Variants in RBM11 observed in about 807,000 individuals in gnomAD.
The protein encoded by RBM11 is splicing regulator RBM11.
Under a neutral mutation model 21.4 loss-of-function variants are expected in RBM11, and 18 were observed. The ratio of observed to expected loss-of-function variants is 0.84; its 90% CI spans 0.58 to 1.25. RBM11 has a LOEUF of 1.25. Among genes scored for constraint, RBM11 ranks in the 50% most tolerant of loss-of-function variants. The pLI is 0.00. For missense variants in RBM11, 294 were observed against 331.9 expected, an observed-to-expected ratio of 0.89 and a Z score of 0.89; for synonymous variants, 120 against 116.3, an observed-to-expected ratio of 1.03 and a Z score of -0.20.
intron 4 of RBM11, 24 bp downstream of exon 4, chr21:14,224,561 T>C (rs410052): frequency 0.81 from 1,243,647 of 1,536,640 alleles, 503,923 homozygotes; most frequent in African/African-American, 0.89. Context: ...GCATTTTATT[T>C]AGTATATAAT....
chr21:14,217,359 A>G (rs1267975041), intron 1 of RBM11, among the ~76,000 whole-genome samples: 1 of 152,206 alleles, frequency 6.6e-6, no homozygotes, highest in Non-Finnish European at 1.5e-5. Context: ...AGAGAAATCA[A>G]TAGTTACTTT....
intron 1 of RBM11, among the ~76,000 whole-genome samples, chr21:14,217,115 T>A (rs1198950937): frequency 1.3e-5 from 2 of 152,182 alleles, no homozygotes; most frequent in African/African-American, 4.8e-5. Context: ...AGAAAAGTGG[T>A]TCCGCGTGCG....
At chr21:14,219,832 G>A in intron 2 of RBM11, 107 bp downstream of exon 2, 1 of 874,888 alleles carries the variant, frequency 1.1e-6, no homozygotes, top group Non-Finnish European at 1.6e-6. Context: ...ACAAAAAAAA[G>A]TACCTTCTAC....
At position 14,219,611 on chromosome 21, in the gene RBM11, C is replaced by A; in HGVS notation, c.145C>A (p.Pro49Thr). 5.0e-6 allele frequency: 8 copies of A among 1,594,308 alleles called. No individual in the cohort carries two copies. The highest frequency in any genetic ancestry group is 6.9e-6 in the Non-Finnish European group (8 of 1,166,930). ...VTICKDREGK[P>T]KSFGFVCFKH... ...TATATGCAAAGACAGAGAAGGAAAGCCAAAGTCTTTTGGATTTGTCTGCTT... is the reference window on the plus strand; with the variant it reads ...TATATGCAAAGACAGAGAAGGAAAGACAAAGTCTTTTGGATTTGTCTGCTT... The change falls in exon 2 of 5, where the codon CCA becomes ACA. Residue 49 changes from proline to threonine, a missense_variant. Physicochemically the swap from Pro to Thr is conservative, Grantham distance 38 (BLOSUM62 -1). Transcript: ENST00000400577.
chr21:14,226,523 A>G (rs192250231), intron 4 of RBM11, among the ~76,000 whole-genome samples: 2,236 of 151,786 alleles, frequency 0.015, 52 homozygotes, highest in African/African-American at 0.05. Flanking sequence ...GGAGGCCGAG[A>G]CAGGAGAATT....
rs773702343 is a variant in RBM11 at position 14,226,845 on chromosome 21, A to G, written c.433-35A>G. 2.6e-6 allele frequency: 4 copies of G among 1,566,846 alleles called. No individual in the cohort carries two copies. The Admixed American group carries it at 7.6e-5, about 30-fold the overall frequency. ...TAATTTTTTTTCCTTAACCTTTTGG[A>G]TTTGTTTTGGTAGATGAATGTCTTG... On this transcript the variant is annotated intron_variant, in intron 4 of 4. Coordinates refer to ENST00000400577, the MANE Select transcript of RBM11 (RefSeq NM_144770.5).
At chr21:14,224,096 G>A (rs560591372) in intron 3 of RBM11, among the ~76,000 whole-genome samples, 3 of 152,156 alleles carry the variant, frequency 2.0e-5, no homozygotes, top group Admixed American at 6.5e-5. Flanking sequence ...ACAGAAAATG[G>A]ACTAAAACAG....
At chr21:14,221,971 C>T (rs975633346) in intron 3 of RBM11, among the ~76,000 whole-genome samples, 5 of 152,180 alleles carry the variant, frequency 3.3e-5, no homozygotes, top group Admixed American at 2.0e-4. Context: ...CTAAGTGGTT[C>T]AGGCTTTTTG....
At chr21:14,222,103 T>C (rs756132310) in intron 3 of RBM11, among the ~76,000 whole-genome samples, 1 of 152,098 alleles carries the variant, frequency 6.6e-6, no homozygotes, top group Non-Finnish European at 1.5e-5. Flanking sequence ...CATTTCTTCT[T>C]TTTTTTAATG....
chr21:14,225,731 T>A (rs1297737655), intron 4 of RBM11, among the ~76,000 whole-genome samples: 1 of 152,168 alleles, frequency 6.6e-6, no homozygotes, highest in Non-Finnish European at 1.5e-5. Flanking sequence ...AAACTATAAA[T>A]GTCTTCATCG....
rs1568902564 is a variant in RBM11 at position 14,226,914 on chromosome 21, C to T, written c.467C>T (p.Pro156Leu). 1 of 1,613,866 alleles carries T rather than the reference C, an allele frequency of 6.2e-7. No homozygotes were observed. The highest frequency in any genetic ancestry group is 2.2e-5 in the East Asian group (1 of 44,882). ...GTGTATAATCCAGTGCTGCAGCTTC[C>T]TTACTATGAAATGACAGCTCCACTT... The part of the protein sequence containing the change: ...WHVYNPVLQL[P>L]YYEMTAPLPN... The change falls in exon 5 of 5, where the codon CCT becomes CTT. Residue 156 changes from proline to leucine, a missense_variant. Physicochemically the swap from Pro to Leu is moderately conservative, Grantham distance 98 (BLOSUM62 -3). Coordinates refer to ENST00000400577, the MANE Select transcript of RBM11 (RefSeq NM_144770.5).
At position 14,216,264 on chromosome 21, in the gene RBM11, G is replaced by A. The variant is rs371410249; in HGVS notation, c.78G>A (p.Leu26=). 1 of 1,613,474 alleles carries A rather than the reference G, an allele frequency of 6.2e-7. No homozygotes were observed. Among genetic ancestry groups the A allele is most frequent in the Non-Finnish European group, 8.5e-7 (1 of 1,179,712 alleles). Residue 26 remains leucine, a synonymous_variant, in exon 1 of 5, where the codon CTG becomes CTA. Transcript: ENST00000400577. ...AGGCCCGAGTTCGGGAAGAGATTCT[G>A]TACGAGCTGTTCCTTCAGGTACCGT... ...NLEARVREEI[L]YELFLQAGPL...
rs746695265 is a variant in RBM11 at position 14,216,229 on chromosome 21, G to A, written c.43G>A (p.Gly15Arg). 20 of 1,613,762 alleles carry A rather than the reference G, an allele frequency of 1.2e-5. No homozygotes were observed. In the Admixed American group the frequency reaches 1.3e-4, roughly 11 times the overall value. Residue 15 changes from glycine (G) to arginine (R), a missense_variant, in exon 1 of 5, where the codon GGG becomes AGG. Physicochemically the swap from Gly to Arg is moderately radical, Grantham distance 125. Coordinates refer to ENST00000400577, the MANE Select transcript of RBM11 (RefSeq NM_144770.5). ...QEEADRTVFV[G>R]NLEARVREEI... Reference sequence around the variant, plus strand: ...GGAGGCCGACAGGACCGTGTTTGTTGGGAATTTAGAGGCCCGAGTTCGGGA... The same window carrying A: ...GGAGGCCGACAGGACCGTGTTTGTTAGGAATTTAGAGGCCCGAGTTCGGGA...
In RBM11 at chr21:14,219,592, C is replaced by T; in HGVS notation, c.126C>T (p.Cys42=). Residue 42 remains cysteine, a synonymous_variant, in exon 2 of 5, where the codon TGC becomes TGT. Transcript: ENST00000400577. Reference sequence around the variant, plus strand: ...GGCCACTAACCAAAGTGACTATATGCAAAGACAGAGAAGGAAAGCCAAAGT... The same window carrying T: ...GGCCACTAACCAAAGTGACTATATGTAAAGACAGAGAAGGAAAGCCAAAGT... ...QAGPLTKVTI[C]KDREGKPKSF... 1 of 1,579,896 alleles carries T rather than the reference C, an allele frequency of 6.3e-7. No homozygotes were observed. Among genetic ancestry groups the T allele is most frequent in the East Asian group, 2.3e-5 (1 of 44,234 alleles).
intron 4 of RBM11, among the ~76,000 whole-genome samples, chr21:14,224,977 G>A (rs558982686): frequency 2.0e-5 from 3 of 151,942 alleles, no homozygotes; most frequent in South Asian, 2.1e-4. Context: ...AAAATTAACT[G>A]GGCATGGTGG....
chr21:14,221,367 G>A, intron 3 of RBM11, 198 bp downstream of exon 3: 3 of 576,486 alleles, frequency 5.2e-6, no homozygotes, highest in Non-Finnish European at 8.1e-6. Context: ...ATTTTCAGTA[G>A]TAGGGGGTAG....
chr21:14,227,519 A>T lies in RBM11; in HGVS notation c.*226A>T. 2.0e-6 allele frequency: 1 copy of T among 512,320 alleles called. No homozygotes were observed. Among genetic ancestry groups the T allele is most frequent in the Admixed American group, 3.8e-5 (1 of 26,430 alleles). The allele number at this position is 512,320 out of a possible 1,614,324, so 31.7% of individuals were successfully genotyped here. A position where few individuals can be genotyped will look rare whatever the true frequency, so the allele number is the denominator to read the frequency against. ...GTATTTGTCATGATATTTTTGACCC[A>T]TTGGCAACAAATAGACTATTGTCAT... is the stretch of plus-strand genomic sequence containing the variant. On this transcript the variant is annotated 3_prime_UTR_variant, in exon 5 of 5. Transcript: ENST00000400577.
intron 1 of RBM11, among the ~76,000 whole-genome samples, chr21:14,217,658 CTTTTTTATGAACTCTAATCCAT>C (rs1286481488): frequency 6.6e-6 from 1 of 151,782 alleles, no homozygotes; most frequent in Non-Finnish European, 1.5e-5. Context: ...AACTTGCCTC[CTTTTTTATGAACTCTAATCCAT>C]ATCTGTTTTT....
Position 14,219,649 on chromosome 21 carries a change from A to G in RBM11, c.183A>G (p.Glu61=), listed in dbSNP as rs1978490816. 6.2e-7 allele frequency: 1 copy of G among 1,608,552 alleles called. No homozygotes were observed. Among genetic ancestry groups the G allele is most frequent in the Non-Finnish European group, 8.5e-7 (1 of 1,176,188 alleles). ...SFGFVCFKHP[E]SVSYAIALLN... is the part of the protein sequence containing the mutation. ...GATTTGTCTGCTTTAAACACCCAGA[A>G]TCGGTGTCTTATGCCATAGCTTTGC... The change falls in exon 2 of 5, where the codon GAA becomes GAG. Residue 61 remains glutamate (E), a synonymous_variant. Transcript: ENST00000400577.
Sources: allele counts gnomAD v4.1 joint callset (sites outside exome capture counted in the v4.1 genomes callset), GRCh38; gene constraint gnomAD v4.1.1; transcripts MANE v1.5; gene names NCBI Gene and HGNC (gene_info 2026-07-23, HGNC 2026-07-21).